Variants in ETFA observed in about 807,000 individuals in gnomAD.
ETFA encodes the protein electron transfer flavoprotein subunit alpha, mitochondrial.
A neutral mutation model predicts 46.2 loss-of-function variants in ETFA; 22 were observed. The ratio of observed to expected loss-of-function variants is 0.48; its 90% CI spans 0.34 to 0.68. The LOEUF (loss-of-function observed/expected upper bound fraction) is 0.68, where lower values mean the gene tolerates loss of function less well. ETFA is among the 30% of genes least tolerant of loss of function. The pLI is 0.01. For synonymous variants in ETFA, 131 were observed against 139.9 expected (o/e 0.94, Z 0.45); for missense variants, 345 against 401.1 (o/e 0.86, Z 1.19).
At chr15:76,243,724 G>A (rs1023741823) in intron 9 of ETFA, among the ~76,000 whole-genome samples, 1 of 151,954 alleles carries the variant, frequency 6.6e-6, no homozygotes, top group East Asian at 1.9e-4. Flanking sequence ...ACTTGAACCT[G>A]GGAGGCAGAG....
At chr15:76,266,406 G>A (rs1203754941) in intron 9 of ETFA, among the ~76,000 whole-genome samples, 1 of 152,180 alleles carries the variant, frequency 6.6e-6, no homozygotes, top group East Asian at 1.9e-4. Flanking sequence ...AAGCCAGTTG[G>A]AGAACAGTTT....
chr15:76,240,534 A>G (rs536566858), intron 9 of ETFA, among the ~76,000 whole-genome samples: 2 of 152,204 alleles, frequency 1.3e-5, no homozygotes, highest in Non-Finnish European at 2.9e-5. Context: ...TGTAAATTTA[A>G]TAACCCAGTT....
intron 11 of ETFA, among the ~76,000 whole-genome samples, chr15:76,220,200 G>A (rs1378495698): frequency 6.6e-6 from 1 of 152,152 alleles, no homozygotes; most frequent in East Asian, 1.9e-4. Context: ...CCGAGTAGCT[G>A]GGGCTATAGG....
chr15:76,262,976 G>A (rs1353805906), intron 9 of ETFA, among the ~76,000 whole-genome samples: 7 of 152,084 alleles, frequency 4.6e-5, no homozygotes, highest in South Asian at 2.1e-4. Context: ...GTGTCAGGAC[G>A]GCCCCGGTAG....
At chr15:76,254,028 A>C (rs2039326653) in intron 9 of ETFA, among the ~76,000 whole-genome samples, 1 of 152,228 alleles carries the variant, frequency 6.6e-6, no homozygotes, top group African/African-American at 2.4e-5. Context: ...GCACTGAAGG[A>C]GGCAGAATCC....
intron 1 of ETFA, among the ~76,000 whole-genome samples, chr15:76,304,608 G>A (rs185615195): frequency 1.1e-3 from 164 of 148,240 alleles, no homozygotes; most frequent in Non-Finnish European, 2.0e-3. Context: ...AGGCTGCAGC[G>A]AGTCAAGATC....
chr15:76,295,933 A>ATTTTTTTTTTTTTTTTTTTTTTT (rs1555459250), intron 1 of ETFA, among the ~76,000 whole-genome samples, 196 bp from the exon 2 acceptor site: 11 of 58,502 alleles, frequency 1.9e-4, no homozygotes, highest in Admixed American at 4.6e-4. Flanking sequence ...TACCACTAAT[A>ATTTTTTTTTTTTTTTTTTTTTTT]TTCTTTTTTT....
intron 9 of ETFA, among the ~76,000 whole-genome samples, chr15:76,268,215 T>C (rs1164851011): frequency 3.3e-5 from 5 of 149,712 alleles, no homozygotes; most frequent in African/African-American, 1.2e-4. Flanking sequence ...AAGCCTTTGC[T>C]TCTGTTTCAG....
chr15:76,240,602 AAC>A (rs1318990186), intron 9 of ETFA, among the ~76,000 whole-genome samples: 1 of 152,236 alleles, frequency 6.6e-6, no homozygotes, highest in Non-Finnish European at 1.5e-5. Context: ...TATATTGTGA[AAC>A]ACAATTCAAA....
chr15:76,230,061 T>C lies in ETFA; in HGVS notation c.882+1272A>G, dbSNP rs1019700744. 2.6e-5 allele frequency: 4 copies of C among 151,286 alleles called. No individual in the cohort carries two copies. The East Asian group carries it at 6.0e-4, about 23-fold the overall frequency. The allele number at this position is 151,286 out of a possible 1,614,324, so 9.4% of individuals were successfully genotyped here. A position where few individuals can be genotyped will look rare whatever the true frequency, so the allele number is the denominator to read the frequency against. ...ACTTTGGGAGGCTGAGGCAGGAGAA[T>C]GGCGTGAACGCGGGAGGCGGAGCTA... On this transcript the variant is annotated intron_variant, in intron 10 of 11. Transcript: ENST00000557943.
intron 10 of ETFA, among the ~76,000 whole-genome samples, chr15:76,229,591 T>C (rs939132311): frequency 1.3e-5 from 2 of 152,304 alleles, no homozygotes; most frequent in East Asian, 1.9e-4. Context: ...GCTGCTGGTG[T>C]TGGAGTTTCT....
intron 1 of ETFA, among the ~76,000 whole-genome samples, chr15:76,309,355 G>A (rs2039967565): frequency 6.6e-6 from 1 of 152,200 alleles, no homozygotes; most frequent in South Asian, 2.1e-4. Flanking sequence ...GGAGGCTGAG[G>A]CAGGAGAATG....
chr15:76,284,792 T>C (rs1400691998), intron 7 of ETFA: 4 of 269,552 alleles, frequency 1.5e-5, no homozygotes, highest in Admixed American at 1.1e-4. Context: ...GCGCTGGGCG[T>C]AGTGGCACAT....
chr15:76,291,446 G>GGAA (rs1555459011), intron 4 of ETFA, among the ~76,000 whole-genome samples: 1 of 93,456 alleles, frequency 1.1e-5, no homozygotes, highest in African/African-American at 4.5e-5. Flanking sequence ...ACTCCATCTC[G>GGAA]AAAAAAAAAA....
intron 9 of ETFA, among the ~76,000 whole-genome samples, chr15:76,248,712 A>C (rs2141480137): frequency 6.6e-6 from 1 of 152,088 alleles, no homozygotes; most frequent in East Asian, 1.9e-4. Context: ...CCATCTCCAC[A>C]AAAAATATAC....
intron 1 of ETFA, among the ~76,000 whole-genome samples, chr15:76,301,414 A>T (rs1327549388): frequency 6.6e-6 from 1 of 152,144 alleles, no homozygotes; most frequent in African/African-American, 2.4e-5. Flanking sequence ...CATTTTTTTT[A>T]AAGAACTCTT....
intron 11 of ETFA, among the ~76,000 whole-genome samples, 182 bp downstream of exon 11, chr15:76,225,667 C>G (rs2038996826): frequency 6.6e-6 from 1 of 152,174 alleles, no homozygotes; most frequent in Non-Finnish European, 1.5e-5. Context: ...CAACACATAT[C>G]TACTCTTAGA....
At chr15:76,296,893 T>G (rs1262806003) in intron 1 of ETFA, among the ~76,000 whole-genome samples, 1 of 152,192 alleles carries the variant, frequency 6.6e-6, no homozygotes, top group Non-Finnish European at 1.5e-5. Flanking sequence ...AGGCTACAGA[T>G]CATGAAGTAC....
At position 76,266,731 on chromosome 15, in the gene ETFA, G is replaced by A. The variant is rs572814539; in HGVS notation, c.816+7681C>T. Among the ~76,000 whole-genome samples the A allele has an allele frequency of 3.9e-5, 6 of 152,046 alleles. No individual in the cohort carries two copies. In the East Asian group the frequency reaches 7.8e-4, roughly 20 times the overall value. On this transcript the variant is annotated intron_variant, in intron 9 of 11. Transcript: ENST00000557943. ...ATCCTGGCTAACACAGTGAAACCCCGCTTCTACTAAAAATACAAAAAAATT... is the reference window on the plus strand; with the variant it reads ...ATCCTGGCTAACACAGTGAAACCCCACTTCTACTAAAAATACAAAAAAATT...
Sources: gnomAD v4.1 joint callset for allele counts (sites outside exome capture counted in the v4.1 genomes callset) on GRCh38, gnomAD v4.1.1 for gene constraint, MANE v1.5 for transcripts, NCBI Gene and HGNC (gene_info 2026-07-23, HGNC 2026-07-21) for gene names.